SCD5: variants seen among roughly 807,000 people sequenced by gnomAD.
The protein encoded by SCD5 is stearoyl-CoA desaturase 5.
A neutral mutation model predicts 30.4 loss-of-function variants in SCD5; 20 were observed. The ratio of observed to expected loss-of-function variants is 0.66; its 90% CI spans 0.46 to 0.96. The LOEUF (loss-of-function observed/expected upper bound fraction) is 0.96, where lower values mean the gene tolerates loss of function less well. Among genes scored for constraint, SCD5 ranks in the 40% least tolerant of loss-of-function variants. SCD5 has a pLI of 0.00. For synonymous variants in SCD5, 173 were observed against 176.4 expected (o/e 0.98, Z 0.16); for missense variants, 381 against 443.3 (o/e 0.86, Z 1.26).
chr4:82,747,534 G>A (rs904265392), intron 1 of SCD5, among the ~76,000 whole-genome samples: 3 of 152,120 alleles, frequency 2.0e-5, no homozygotes, highest in Non-Finnish European at 2.9e-5. Context: ...TATAAAATGG[G>A]GGTGATAACC....
chr4:82,794,110 T>TA (rs1251063905), intron 1 of SCD5, among the ~76,000 whole-genome samples: 2 of 152,188 alleles, frequency 1.3e-5, no homozygotes, highest in Non-Finnish European at 2.9e-5. Context: ...ACTGCCTTGT[T>TA]AATCTCCACC....
chr4:82,798,195 A>G, intron 1 of SCD5, 111 bp downstream of exon 1: 1 of 1,102,966 alleles, frequency 9.1e-7, no homozygotes, highest in Non-Finnish European at 1.1e-6. Flanking sequence ...GCGAGGGGAG[A>G]CCGGGGGTCG....
intron 2 of SCD5, among the ~76,000 whole-genome samples, 200 bp downstream of exon 2, chr4:82,705,083 G>A (rs1279491906): frequency 6.6e-6 from 1 of 152,214 alleles, no homozygotes; most frequent in Non-Finnish European, 1.5e-5. Context: ...GCATGCCTTA[G>A]GGCACAAAAC....
At chr4:82,727,258 C>G (rs966726546) in intron 1 of SCD5, among the ~76,000 whole-genome samples, 1 of 152,210 alleles carries the variant, frequency 6.6e-6, no homozygotes, top group Non-Finnish European at 1.5e-5. Context: ...ACTGCACCAC[C>G]TGCATTGTCT....
chr4:82,711,445 G>A (rs1720084220), intron 1 of SCD5, among the ~76,000 whole-genome samples: 1 of 152,140 alleles, frequency 6.6e-6, no homozygotes, highest in Admixed American at 6.5e-5. Flanking sequence ...ATGGCGCGGT[G>A]GCTCATGCCT....
intron 1 of SCD5, among the ~76,000 whole-genome samples, chr4:82,752,642 T>C (rs547715765): frequency 6.6e-5 from 10 of 152,290 alleles, no homozygotes; most frequent in Non-Finnish European, 1.0e-4. Context: ...TCCCTTTTCC[T>C]GTCCCCTCAC....
At position 82,798,375 on chromosome 4, in the gene SCD5, A is replaced by G. The variant is rs780717802; in HGVS notation, c.163T>C (p.Leu55=). 1.9e-6 allele frequency: 3 copies of G among 1,613,384 alleles called. No homozygotes were observed. In the South Asian group the frequency reaches 3.3e-5, roughly 18 times the overall value. Residue 55 remains leucine (L), a synonymous_variant, in exon 1 of 5, where the codon TTG becomes CTG. Transcript: ENST00000319540. ...GAGTACACGGCCCCCAAGTGGAGCA[A>G]GCTCATCAGGACGACATTCCTCCAG... ...IVWRNVVLMS[L]LHLGAVYSLV... is the part of the protein sequence containing the mutation.
chr4:82,705,466 AC>A (rs2148827547), intron 1 of SCD5, 53 bp from the exon 2 acceptor site: 5 of 1,600,086 alleles, frequency 3.1e-6, no homozygotes, highest in South Asian at 1.1e-5. Context: ...GCTTTCAAAC[AC>A]CCCCCATGCT....
At chr4:82,638,760 C>T (rs1727482376) in intron 3 of SCD5, among the ~76,000 whole-genome samples, 1 of 152,156 alleles carries the variant, frequency 6.6e-6, no homozygotes, top group South Asian at 2.1e-4. Flanking sequence ...GAGAAGTACC[C>T]AACACAGGTA....
In SCD5 at chr4:82,741,211, T is replaced by C. The variant is rs180983103; in HGVS notation, c.233-35798A>G. ...GCCTCAGCTCCCAAAGTGCTGGGAT[T>C]ACAGGCATGAACCACTGCGCCCAGC... On this transcript the variant is annotated intron_variant, in intron 1 of 4. Coordinates refer to ENST00000319540, the MANE Select transcript of SCD5 (RefSeq NM_001037582.3). Among the ~76,000 whole-genome samples, 3 of 152,178 alleles carry C rather than the reference T, an allele frequency of 2.0e-5. No homozygotes were observed. The East Asian group carries it at 5.8e-4, about 29-fold the overall frequency.
At chr4:82,707,598 G>A (rs185911360) in intron 1 of SCD5, among the ~76,000 whole-genome samples, 1 of 152,342 alleles carries the variant, frequency 6.6e-6, no homozygotes, top group East Asian at 1.9e-4. Flanking sequence ...TTTGCTAGCA[G>A]ATTCTCTCTT....
At chr4:82,766,268 C>A (rs550325592) in intron 1 of SCD5, among the ~76,000 whole-genome samples, 89 of 152,286 alleles carry the variant, frequency 5.8e-4, no homozygotes, top group African/African-American at 2.1e-3. Context: ...ATGCTCTGTT[C>A]TTTCCTTCTT....
chr4:82,685,179 C>T (rs1184126675), intron 2 of SCD5, among the ~76,000 whole-genome samples: 1 of 152,108 alleles, frequency 6.6e-6, no homozygotes, highest in Admixed American at 6.5e-5. Flanking sequence ...TCTAAGAACG[C>T]TGGGCATAAA....
intron 2 of SCD5, among the ~76,000 whole-genome samples, chr4:82,693,541 T>G (rs1353489497): frequency 6.6e-6 from 1 of 151,504 alleles, no homozygotes; most frequent in Non-Finnish European, 1.5e-5. Context: ...TATTGGAAAT[T>G]ACTCTACAGC....
At chr4:82,747,683 A>T (rs1306719996) in intron 1 of SCD5, among the ~76,000 whole-genome samples, 1 of 152,232 alleles carries the variant, frequency 6.6e-6, no homozygotes, top group Non-Finnish European at 1.5e-5. Flanking sequence ...GGCTTCCTAT[A>T]ATTGCAAACA....
intron 2 of SCD5, among the ~76,000 whole-genome samples, chr4:82,691,137 T>G (rs1728826248): frequency 1.3e-5 from 2 of 152,216 alleles, no homozygotes; most frequent in Non-Finnish European, 2.9e-5. Context: ...GTGATTTTCC[T>G]GCCTCAGCCT....
intron 3 of SCD5, among the ~76,000 whole-genome samples, chr4:82,650,758 T>C (rs1483425361): frequency 6.6e-6 from 1 of 152,146 alleles, no homozygotes; most frequent in African/African-American, 2.4e-5. Flanking sequence ...GCTATTGCTA[T>C]TTACTGTATG....
intron 3 of SCD5, among the ~76,000 whole-genome samples, chr4:82,639,366 G>A (rs557625106): frequency 1.8e-4 from 28 of 152,210 alleles, no homozygotes; most frequent in Non-Finnish European, 2.8e-4. Flanking sequence ...AGTAAGGGAA[G>A]AAGGCAGCAC....
At chr4:82,774,329 A>G (rs1164611562) in intron 1 of SCD5, among the ~76,000 whole-genome samples, 2 of 152,206 alleles carry the variant, frequency 1.3e-5, no homozygotes, top group African/African-American at 2.4e-5. Flanking sequence ...ATCTATGGAC[A>G]TGAAAAGATG....
Sources: allele counts gnomAD v4.1 joint callset (sites outside exome capture counted in the v4.1 genomes callset), GRCh38; gene constraint gnomAD v4.1.1; transcripts MANE v1.5; gene names NCBI Gene and HGNC (gene_info 2026-07-23, HGNC 2026-07-21).